PGR: variants seen among roughly 807,000 people sequenced by gnomAD.
The protein encoded by PGR is progesterone receptor, also known as nuclear receptor subfamily 3 group C member 3.
PGR carries 25 observed loss-of-function variants against 76.1 expected under a neutral mutation model. That is an observed-to-expected ratio of 0.33 (90% confidence interval 0.24 to 0.46). PGR has a LOEUF of 0.46. Ranked by LOEUF, PGR falls within the 20% of genes least tolerant of loss-of-function variation. The pLI is 1.00. For synonymous variants in PGR, 579 were observed against 535.0 expected (o/e 1.08, Z -1.14); for missense variants, 1,172 against 1,225.3 (o/e 0.96, Z 0.65).
intron 1 of PGR, 149 bp from the exon 2 acceptor site, chr11:101,126,307 G>A: frequency 1.4e-6 from 1 of 736,722 alleles, no homozygotes; most frequent in Non-Finnish European, 2.4e-6. Flanking sequence ...AACTAAACTT[G>A]GTAATAGACT....
chr11:101,093,377 G>A (rs894414915), intron 2 of PGR, among the ~76,000 whole-genome samples: 1 of 151,910 alleles, frequency 6.6e-6, no homozygotes, highest in African/African-American at 2.4e-5. Context: ...AGCAAGGTGT[G>A]TGTAAGTCAG....
intron 3 of PGR, among the ~76,000 whole-genome samples, chr11:101,067,057 C>G (rs567531792): frequency 1.3e-5 from 2 of 152,186 alleles, no homozygotes; most frequent in South Asian, 2.1e-4. Context: ...CCCAACTTAC[C>G]CTTGCATAGA....
At chr11:101,081,203 G>A (rs919984249) in intron 3 of PGR, among the ~76,000 whole-genome samples, 5 of 152,146 alleles carry the variant, frequency 3.3e-5, no homozygotes, top group Non-Finnish European at 5.9e-5. Flanking sequence ...GCTGAGGCAG[G>A]TGGATCATGA....
intron 6 of PGR, among the ~76,000 whole-genome samples, chr11:101,047,414 C>A (rs1231976308): frequency 2.0e-5 from 3 of 152,146 alleles, no homozygotes; most frequent in African/African-American, 7.2e-5. Flanking sequence ...ACTCTCTGGG[C>A]CGGTTCCACG....
intron 2 of PGR, among the ~76,000 whole-genome samples, chr11:101,098,252 G>C (rs893562982): frequency 6.6e-6 from 1 of 152,132 alleles, no homozygotes; most frequent in East Asian, 1.9e-4. Flanking sequence ...ACAAGAAAGG[G>C]ACTTACCTGT....
At chr11:101,056,568 A>G (rs985437866) in intron 4 of PGR, among the ~76,000 whole-genome samples, 2 of 146,776 alleles carry the variant, frequency 1.4e-5, no homozygotes, top group Non-Finnish European at 3.0e-5. Flanking sequence ...TGAGCCCAGG[A>G]GTTCTAAGCT....
chr11:101,085,181 C>T (rs1473408424), intron 3 of PGR, among the ~76,000 whole-genome samples: 5 of 152,146 alleles, frequency 3.3e-5, no homozygotes, highest in South Asian at 2.1e-4. Flanking sequence ...TTCACCACAT[C>T]CTTGGCCATA....
rs1033773479 is a variant in PGR at position 101,126,212 on chromosome 11, T to C, written c.1638-54A>G. 3.9e-6 allele frequency: 6 copies of C among 1,545,830 alleles called. No individual in the cohort carries two copies. The African/African-American group carries it at 4.1e-5, about 11-fold the overall frequency. On this transcript the variant is annotated intron_variant, in intron 1 of 7. Coordinates refer to ENST00000325455, the MANE Select transcript of PGR (RefSeq NM_000926.4). ...TATTTTTAAGTGCACCACTATCTAA[T>C]ACTAAAGGTTTCTTAAACCAGTATT...
intron 2 of PGR, among the ~76,000 whole-genome samples, chr11:101,104,584 A>C (rs918850011): frequency 6.6e-6 from 1 of 152,148 alleles, no homozygotes; most frequent in Admixed American, 6.5e-5. Context: ...ACTCTACATA[A>C]TTGGTGTTAT....
chr11:101,035,073 T>A lies in PGR; in HGVS notation c.*4043A>T. The A allele has an allele frequency of 4.9e-6, 1 of 206,120 alleles. No individual in the cohort carries two copies. The highest frequency in any genetic ancestry group is 5.9e-5 in the Admixed American group (1 of 16,850). The allele number at this position is 206,120 out of a possible 1,614,324, so 12.8% of individuals were successfully genotyped here. A position where few individuals can be genotyped will look rare whatever the true frequency, so the allele number is the denominator to read the frequency against. On this transcript the variant is annotated 3_prime_UTR_variant, in exon 8 of 8. Transcript: ENST00000325455. The stretch of plus-strand genomic sequence containing the variant: ...TCTGGCTATGTATTTTCTGTAAAAT[T>A]TTAAGAGATGTAGAAATTTCCCACA...
intron 6 of PGR, among the ~76,000 whole-genome samples, chr11:101,047,865 T>C (rs1859946478): frequency 1.3e-5 from 2 of 152,254 alleles, no homozygotes; most frequent in South Asian, 4.1e-4. Flanking sequence ...TCCTTGGATA[T>C]AAGAAAAAGT....
chr11:101,082,080 T>C (rs1164138770), intron 3 of PGR, among the ~76,000 whole-genome samples: 1 of 152,090 alleles, frequency 6.6e-6, no homozygotes, highest in African/African-American at 2.4e-5. Context: ...ATGAGTGAGC[T>C]CTCAGGAGAT....
At chr11:101,060,367 G>A (rs968762701) in intron 4 of PGR, among the ~76,000 whole-genome samples, 1 of 152,170 alleles carries the variant, frequency 6.6e-6, no homozygotes, top group Non-Finnish European at 1.5e-5. Flanking sequence ...ATGCTAGCAT[G>A]TGCTGTACCA....
At chr11:101,062,803 TC>T in intron 3 of PGR, 51 bp from the exon 4 acceptor site, 1 of 1,226,198 alleles carries the variant, frequency 8.2e-7, no homozygotes, top group Non-Finnish European at 1.2e-6. Flanking sequence ...AAACTCCATA[TC>T]CCAGTATAGT....
intron 2 of PGR, among the ~76,000 whole-genome samples, chr11:101,110,641 T>C (rs1398654099): frequency 6.6e-6 from 1 of 152,110 alleles, no homozygotes; most frequent in Non-Finnish European, 1.5e-5. Flanking sequence ...GATTTAGGAT[T>C]TAGGATATTA....
chr11:101,107,461 A>T (rs1862201016), intron 2 of PGR, among the ~76,000 whole-genome samples: 1 of 152,218 alleles, frequency 6.6e-6, no homozygotes, highest in African/African-American at 2.4e-5. Flanking sequence ...CCATAATAAC[A>T]TAGTTAGCTA....
At chr11:101,113,938 A>G (rs1303613731) in intron 2 of PGR, among the ~76,000 whole-genome samples, 1 of 151,848 alleles carries the variant, frequency 6.6e-6, no homozygotes, top group East Asian at 1.9e-4. Flanking sequence ...TCAGTTCTTC[A>G]TACTTTCATC....
In PGR at chr11:101,062,537, G is replaced by C; in HGVS notation, c.2122C>G (p.Pro708Ala). 6.2e-7 allele frequency: 1 copy of C among 1,613,992 alleles called. No individual in the cohort carries two copies. Among genetic ancestry groups the C allele is most frequent in the Non-Finnish European group, 8.5e-7 (1 of 1,179,906 alleles). ...GTCAGCAAAGAACTGGAGGTGTCAG[G>C]TTTTGTGTTGTCATGTCCTGCATAG... ...VIYAGHDNTKPDTSSSLLTSL... is the reference protein window; with the variant it reads ...VIYAGHDNTKADTSSSLLTSL... The change falls in exon 4 of 8, where the codon CCT (proline) becomes GCT (alanine). Residue 708 changes from proline to alanine, a missense_variant. Around this residue, in one of 4 missense-constraint regions of PGR, gnomAD observed 166 missense variants for 296.0 expected, o/e 0.56. Transcript: ENST00000325455.
At chr11:101,110,343 A>C (rs1021013402) in intron 2 of PGR, among the ~76,000 whole-genome samples, 1 of 152,214 alleles carries the variant, frequency 6.6e-6, no homozygotes, top group Non-Finnish European at 1.5e-5. Context: ...AATCGGAGAA[A>C]GTCAAAGCAT....
Sources: gnomAD v4.1 joint callset for allele counts (sites outside exome capture counted in the v4.1 genomes callset) on GRCh38, gnomAD v4.1.1 for gene constraint, gnomAD v4.1.1 regional missense constraint, MANE v1.5 for transcripts, NCBI Gene and HGNC (gene_info 2026-07-23, HGNC 2026-07-21) for gene names.